Variants in LRRC28 observed in about 807,000 individuals in gnomAD.
The protein encoded by LRRC28 is leucine rich repeat containing 28.
In LRRC28, 39 loss-of-function variants were observed where a neutral mutation model predicts 45.7. That is an observed-to-expected ratio of 0.85 (90% CI 0.66 to 1.12). LRRC28 has a LOEUF of 1.12. Ranked by LOEUF, LRRC28 falls within the 50% of genes most tolerant of loss-of-function variation. The pLI is 0.00. For synonymous variants in LRRC28, 206 were observed against 178.8 expected, an observed-to-expected ratio of 1.15 and a Z score of -1.22; for missense variants, 435 against 438.5, an observed-to-expected ratio of 0.99 and a Z score of 0.07.
At chr15:99,265,631 C>T (rs1597172348) in intron 2 of LRRC28, among the ~76,000 whole-genome samples, 1 of 152,096 alleles carries the variant, frequency 6.6e-6, no homozygotes, top group East Asian at 1.9e-4. Context: ...CTAGTCCTTT[C>T]TAAAACTCTA....
intron 9 of LRRC28, among the ~76,000 whole-genome samples, chr15:99,381,770 G>A (rs1427598099): frequency 6.6e-6 from 1 of 152,240 alleles, no homozygotes; most frequent in Non-Finnish European, 1.5e-5. Flanking sequence ...TTAGCTGCCA[G>A]TCTGTTGGAG....
chr15:99,347,566 C>T (rs911981823), intron 6 of LRRC28, among the ~76,000 whole-genome samples: 2 of 152,218 alleles, frequency 1.3e-5, no homozygotes, highest in Non-Finnish European at 2.9e-5. Flanking sequence ...GCTTATTTCA[C>T]TTAGTATAAT....
rs1956913036 is a variant in LRRC28, at chr15:99,352,438, C to T, written c.662C>T (p.Ser221Phe). ...DNNIHLKGLP[S>F]YLYNKVIGCS... The stretch of plus-strand genomic sequence containing the variant: ...AACATTCACCTGAAAGGCTTGCCAT[C>T]TTATCTGTACAATAAAGTCATCGGG... The change falls in exon 7 of 10, where the codon TCT becomes TTT. Residue 221 changes from serine (S) to phenylalanine (F), a missense_variant. Transcript: ENST00000301981. The T allele has an allele frequency of 1.2e-6, 2 of 1,613,990 alleles. No homozygotes were observed. Among genetic ancestry groups the T allele is most frequent in the East Asian group, 2.2e-5 (1 of 44,870 alleles).
intron 5 of LRRC28, among the ~76,000 whole-genome samples, chr15:99,308,144 A>T (rs936190279): frequency 6.6e-6 from 1 of 152,136 alleles, no homozygotes; most frequent in African/African-American, 2.4e-5. Context: ...ACAGTGTCTC[A>T]CTCACTTTCT....
At chr15:99,321,683 A>G (rs1007479483) in intron 5 of LRRC28, among the ~76,000 whole-genome samples, 1 of 152,186 alleles carries the variant, frequency 6.6e-6, no homozygotes, top group East Asian at 1.9e-4. Context: ...TGCAGCTGCA[A>G]GTCTGGTCTG....
At chr15:99,358,626 G>A (rs1051825525) in intron 7 of LRRC28, among the ~76,000 whole-genome samples, 3 of 152,126 alleles carry the variant, frequency 2.0e-5, no homozygotes, top group East Asian at 3.8e-4. Flanking sequence ...AGCAATGCCA[G>A]TGTATTTGGG....
At position 99,389,573 on chromosome 15, in the gene LRRC28, C is replaced by G. The variant is rs1454376345; in HGVS notation, c.*3471C>G. 1 of 152,076 alleles carries G rather than the reference C, an allele frequency of 6.6e-6. No individual in the cohort carries two copies. The highest frequency in any genetic ancestry group is 1.5e-5 in the Non-Finnish European group (1 of 68,020). 9.4% of individuals were successfully genotyped at this position (152,076 alleles called of 1,614,324 possible). A position where few individuals can be genotyped will look rare whatever the true frequency, so the allele number is the denominator to read the frequency against. ...ACTGGACCAACACTAATGTTGCAAC[C>G]TGATAAAATTTGAGATGTAAATTCA... On this transcript the variant is annotated 3_prime_UTR_variant, in exon 10 of 10. Transcript: ENST00000301981.
In LRRC28 at chr15:99,257,337, C is replaced by G. The variant is rs567486660; in HGVS notation, c.168+1212C>G. Among the ~76,000 whole-genome samples, 42 of 152,270 alleles carry G rather than the reference C, an allele frequency of 2.8e-4. No individual in the cohort carries two copies. The East Asian group carries it at 6.7e-3, about 24-fold the overall frequency. On this transcript the variant is annotated intron_variant, in intron 2 of 9. Transcript: ENST00000301981. ...CCCGTGCTATGAAACCATATTAGTA[C>G]TTTTTAACCCTTTAACGAGAAGTGG...
At chr15:99,289,662 G>A (rs8029886) in intron 5 of LRRC28, among the ~76,000 whole-genome samples, 14,308 of 151,872 alleles carry the variant, frequency 0.094, 745 homozygotes, top group African/African-American at 0.14. Flanking sequence ...GGCCGGGCGC[G>A]GTGGCTCACG....
chr15:99,347,355 G>A (rs1316621807), intron 6 of LRRC28, among the ~76,000 whole-genome samples: 1 of 152,100 alleles, frequency 6.6e-6, no homozygotes, highest in Non-Finnish European at 1.5e-5. Flanking sequence ...GACTACAGGT[G>A]CCCGCACCAT....
intron 2 of LRRC28, among the ~76,000 whole-genome samples, chr15:99,275,114 G>T (rs544909276): frequency 1.2e-3 from 186 of 151,770 alleles, no homozygotes; most frequent in Middle Eastern, 3.4e-3. Flanking sequence ...AAGAGAGAGA[G>T]ATATTATATG....
At chr15:99,282,176 G>GTTTTTTTTTTTTTTTTTTTTTTTTTT (rs1476287973) in intron 3 of LRRC28, among the ~76,000 whole-genome samples, 2 of 33,884 alleles carry the variant, frequency 5.9e-5, no homozygotes, top group Non-Finnish European at 1.1e-4. Flanking sequence ...AATTTTTGGA[G>GTTTTTTTTTTTTTTTTTTTTTTTTTT]GTTTTTTTTT....
rs536398897 is a variant in LRRC28, at chr15:99,360,756, C to T, written c.696-580C>T. Among the ~76,000 whole-genome samples, 125 of 152,280 alleles carry T rather than the reference C, an allele frequency of 8.2e-4. No individual in the cohort carries two copies. In the South Asian group the frequency reaches 0.025, roughly 30 times the overall value. ...TTCGGTAACACTGCAGCATTAGGAA[C>T]GAGGACATCTCTGCCTTCTGGTTAT... On this transcript the variant is annotated intron_variant, in intron 7 of 9. Transcript: ENST00000301981.
intron 1 of LRRC28, among the ~76,000 whole-genome samples, chr15:99,252,893 C>G (rs891652612): frequency 6.6e-6 from 1 of 152,206 alleles, no homozygotes; most frequent in Admixed American, 6.5e-5. Context: ...CTTTTAGTTA[C>G]TGTGCTAGAT....
intron 9 of LRRC28, among the ~76,000 whole-genome samples, chr15:99,368,983 T>C (rs1273007597): frequency 2.6e-5 from 4 of 152,198 alleles, no homozygotes; most frequent in Middle Eastern, 3.2e-3. Context: ...ATCCAAGTTA[T>C]CACTTACAAA....
intron 3 of LRRC28, among the ~76,000 whole-genome samples, chr15:99,281,157 A>C (rs1437738987): frequency 6.7e-6 from 1 of 150,148 alleles, no homozygotes; most frequent in Non-Finnish European, 1.5e-5. Flanking sequence ...CCTCCCAAGT[A>C]GCTAGAAGTA....
At chr15:99,273,375 T>C (rs2081532324) in intron 2 of LRRC28, among the ~76,000 whole-genome samples, 1 of 152,124 alleles carries the variant, frequency 6.6e-6, no homozygotes, top group African/African-American at 2.4e-5. Flanking sequence ...TAGCTGGGAC[T>C]ACAGGCACTC....
Position 99,255,954 on chromosome 15 carries a change from AG to A in LRRC28, c.-3del. On this transcript the variant is annotated 5_prime_UTR_variant, in exon 2 of 10. Transcript: ENST00000301981. ...GCAGCGTGCCTGATGGGATATATTCAGTCATGGCGTCCGAACTTTGTAAGAC... is the reference window on the plus strand; with the variant it reads ...GCAGCGTGCCTGATGGGATATATTCATCATGGCGTCCGAACTTTGTAAGAC... 1 of 1,611,736 alleles carries A rather than the reference AG, an allele frequency of 6.2e-7. No individual in the cohort carries two copies. Among genetic ancestry groups the A allele is most frequent in the Non-Finnish European group, 8.5e-7 (1 of 1,179,724 alleles).
intron 5 of LRRC28, among the ~76,000 whole-genome samples, chr15:99,296,883 G>A (rs1192784928): frequency 6.6e-6 from 1 of 152,108 alleles, no homozygotes; most frequent in Non-Finnish European, 1.5e-5. Flanking sequence ...TATTGAGTGT[G>A]TTATTGTAGC....
Sources: allele counts gnomAD v4.1 joint callset (sites outside exome capture counted in the v4.1 genomes callset), GRCh38; gene constraint gnomAD v4.1.1; transcripts MANE v1.5; gene names NCBI Gene and HGNC (gene_info 2026-07-23, HGNC 2026-07-21).